SKAP2: variants seen among roughly 807,000 people sequenced by gnomAD.
SKAP2 encodes src kinase associated phosphoprotein 2, also known as src kinase-associated phosphoprotein 2.
Under a neutral mutation model 54.9 loss-of-function variants are expected in SKAP2, and 28 were observed. The observed-to-expected ratio is 0.51, with a 90% CI of 0.38 to 0.70. The LOEUF (loss-of-function observed/expected upper bound fraction) is 0.70, where lower values mean the gene tolerates loss of function less well. Ranked by LOEUF, SKAP2 falls within the 30% of genes least tolerant of loss-of-function variation. The pLI is 0.00. For missense variants in SKAP2, 356 were observed against 424.1 expected (o/e 0.84, Z 1.41); for synonymous variants, 137 against 134.3 (o/e 1.02, Z -0.14).
At chr7:26,757,534 C>T (rs1782821912) in intron 4 of SKAP2, among the ~76,000 whole-genome samples, 1 of 152,122 alleles carries the variant, frequency 6.6e-6, no homozygotes, top group African/African-American at 2.4e-5. Flanking sequence ...TGGTCTATAT[C>T]TCTGTTTTTG....
intron 4 of SKAP2, among the ~76,000 whole-genome samples, chr7:26,785,401 T>C (rs751408772): frequency 6.6e-6 from 1 of 152,090 alleles, no homozygotes; most frequent in African/African-American, 2.4e-5. Flanking sequence ...TTAGCCAGGA[T>C]GGTCTCGATC....
chr7:26,800,565 G>A (rs1417438541), intron 4 of SKAP2, among the ~76,000 whole-genome samples: 1 of 152,004 alleles, frequency 6.6e-6, no homozygotes, highest in African/African-American at 2.4e-5. Flanking sequence ...CAACCAAAAA[G>A]TTGGTTTTTT....
At chr7:26,725,647 C>T (rs1489541651) in intron 8 of SKAP2, 82 bp from the exon 9 acceptor site, 1 of 1,262,434 alleles carries the variant, frequency 7.9e-7, no homozygotes, top group Non-Finnish European at 1.1e-6. Context: ...TAAATGCAGC[C>T]CTACAAAGCA....
intron 4 of SKAP2, among the ~76,000 whole-genome samples, chr7:26,813,528 GT>G (rs1395746269): frequency 6.6e-6 from 1 of 152,196 alleles, no homozygotes; most frequent in African/African-American, 2.4e-5. Flanking sequence ...AGGACTATGG[GT>G]TGTGCAAATG....
intron 1 of SKAP2, among the ~76,000 whole-genome samples, chr7:26,855,452 T>C (rs1260794296): frequency 6.6e-6 from 1 of 152,070 alleles, no homozygotes; most frequent in Non-Finnish European, 1.5e-5. Flanking sequence ...TCCTTCTTCC[T>C]ACCTACACAC....
At chr7:26,863,607 G>A (rs1785311488) in intron 1 of SKAP2, among the ~76,000 whole-genome samples, 1 of 152,152 alleles carries the variant, frequency 6.6e-6, no homozygotes, top group South Asian at 2.1e-4. Flanking sequence ...TGCTACTGAA[G>A]AACCACGTTT....
At chr7:26,710,045 T>C (rs1787265523) in intron 9 of SKAP2, among the ~76,000 whole-genome samples, 1 of 152,210 alleles carries the variant, frequency 6.6e-6, no homozygotes, top group South Asian at 2.1e-4. Flanking sequence ...TTTAGGATTC[T>C]GCAGTAATTC....
At chr7:26,662,226 T>TC (rs1275993427), downstream of SKAP2, among the ~76,000 whole-genome samples, 1 of 152,122 alleles carries the variant, frequency 6.6e-6, no homozygotes, top group Non-Finnish European at 1.5e-5. Flanking sequence ...GCTCTTTGCT[T>TC]CCCCTCACAC....
At chr7:26,713,889 G>A (rs1207250019) in intron 9 of SKAP2, among the ~76,000 whole-genome samples, 2 of 152,144 alleles carry the variant, frequency 1.3e-5, no homozygotes, top group African/African-American at 2.4e-5. Context: ...ATGAGCCATC[G>A]CGCCCGACCT....
intron 10 of SKAP2, among the ~76,000 whole-genome samples, chr7:26,687,514 A>T (rs1345982112): frequency 6.6e-6 from 1 of 151,842 alleles, no homozygotes; most frequent in Non-Finnish European, 1.5e-5. Flanking sequence ...CTAGCTATAA[A>T]GCAGAAAAAA....
At chr7:26,765,281 T>C (rs1783026682) in intron 4 of SKAP2, among the ~76,000 whole-genome samples, 1 of 152,246 alleles carries the variant, frequency 6.6e-6, no homozygotes, top group South Asian at 2.1e-4. Flanking sequence ...ATGTCTTCTT[T>C]TGAGAAGTGT....
chr7:26,727,378 C>T (rs1347934344), intron 6 of SKAP2, among the ~76,000 whole-genome samples: 2 of 152,016 alleles, frequency 1.3e-5, no homozygotes, highest in East Asian at 1.9e-4. Context: ...GAAAACTTGT[C>T]GGGCTTTATC....
chr7:26,797,581 G>A (rs1013074920), intron 4 of SKAP2, among the ~76,000 whole-genome samples: 1 of 152,142 alleles, frequency 6.6e-6, no homozygotes, highest in East Asian at 1.9e-4. Flanking sequence ...GTATAAATAA[G>A]CCCAAACAGT....
At chr7:26,849,110 TTAGGA>T (rs1227025298) in intron 3 of SKAP2, among the ~76,000 whole-genome samples, 1 of 152,178 alleles carries the variant, frequency 6.6e-6, no homozygotes, top group East Asian at 1.9e-4. Context: ...ACACACTATG[TTAGGA>T]AGGGTTAAAA....
intron 4 of SKAP2, among the ~76,000 whole-genome samples, chr7:26,822,368 A>T (rs1187271644): frequency 6.6e-6 from 1 of 152,080 alleles, no homozygotes; most frequent in Non-Finnish European, 1.5e-5. Context: ...CATTATTATT[A>T]TATCTGTTAT....
intron 4 of SKAP2, among the ~76,000 whole-genome samples, chr7:26,822,584 C>A (rs954034661): frequency 5.9e-5 from 9 of 152,036 alleles, no homozygotes; most frequent in East Asian, 1.9e-4. Flanking sequence ...CAATTAATAA[C>A]CCTACAATGG....
intron 6 of SKAP2, among the ~76,000 whole-genome samples, chr7:26,734,371 ACCTGGTCTAATCCACTTATTTAG>A (rs1469913427): frequency 3.3e-5 from 5 of 152,150 alleles, no homozygotes; most frequent in Non-Finnish European, 7.3e-5. Context: ...GTTCTTACCA[ACCTGGTCTAATCCACTTATTTAG>A]CCTTACGTGC....
chr7:26,668,050 ATTTC>A lies in SKAP2; in HGVS notation c.*1612_*1615del, dbSNP rs997395048. 1.3e-5 allele frequency: 2 copies of A among 150,216 alleles called. No individual in the cohort carries two copies. Among genetic ancestry groups the A allele is most frequent in the Non-Finnish European group, 3.0e-5 (2 of 67,232 alleles). 9.3% of individuals were successfully genotyped at this position (150,216 alleles called of 1,614,324 possible). ...GTTTACTCACAATCCCTAAAATCAA[ATTTC>A]TTTTTTTTTTTCACATTTGAGATTG... On this transcript the variant is annotated 3_prime_UTR_variant, in exon 13 of 13. Coordinates refer to ENST00000345317, the MANE Select transcript of SKAP2 (RefSeq NM_003930.5).
At chr7:26,729,463 C>T (rs1031240541) in intron 6 of SKAP2, among the ~76,000 whole-genome samples, 1 of 151,794 alleles carries the variant, frequency 6.6e-6, no homozygotes, top group Non-Finnish European at 1.5e-5. Flanking sequence ...TAAAAGTAAA[C>T]AGATTCTGAA....
Sources: allele counts gnomAD v4.1 joint callset (sites outside exome capture counted in the v4.1 genomes callset), GRCh38; gene constraint gnomAD v4.1.1; transcripts MANE v1.5; gene names NCBI Gene and HGNC (gene_info 2026-07-23, HGNC 2026-07-21).